Variants in ADAMTS17 observed in about 807,000 individuals in gnomAD.
ADAMTS17 encodes the protein A disintegrin and metalloproteinase with thrombospondin motifs 17.
A neutral mutation model predicts 141.5 loss-of-function variants in ADAMTS17; 113 were observed. The ratio of observed to expected loss-of-function variants is 0.80; its 90% confidence interval spans 0.69 to 0.93. ADAMTS17 has a LOEUF of 0.93. ADAMTS17 is among the 40% of genes least tolerant of loss of function. The pLI is 0.00. For synonymous variants in ADAMTS17, 768 were observed against 630.6 expected (o/e 1.22, Z -3.27); for missense variants, 1,659 against 1,517.9 (o/e 1.09, Z -1.54).
intron 3 of ADAMTS17, among the ~76,000 whole-genome samples, chr15:100,287,428 G>C (rs1204122227): frequency 1.3e-5 from 2 of 152,184 alleles, no homozygotes; most frequent in African/African-American, 2.4e-5. Flanking sequence ...CCTTGAAAGA[G>C]AAGGAGAGAA....
chr15:100,256,310 C>T (rs545089145), intron 6 of ADAMTS17: 56 of 152,376 alleles, frequency 3.7e-4, no homozygotes, highest in African/African-American at 1.3e-3. Context: ...GGTGTCTGAC[C>T]CATGCCCTGG....
chr15:100,179,845 A>G (rs2141521699), intron 8 of ADAMTS17, among the ~76,000 whole-genome samples: 1 of 152,328 alleles, frequency 6.6e-6, no homozygotes, highest in Non-Finnish European at 1.5e-5. Flanking sequence ...ATGTCTATTC[A>G]GATCTTTTGC....
intron 5 of ADAMTS17, 125 bp from the exon 6 acceptor site, chr15:100,261,761 G>A (rs1208438244): frequency 2.8e-6 from 3 of 1,058,802 alleles, no homozygotes; most frequent in East Asian, 5.2e-5. Flanking sequence ...ATGACTCACG[G>A]CCCTCGAAGA....
At chr15:99,982,212 A>G (rs1228141356) in intron 20 of ADAMTS17, among the ~76,000 whole-genome samples, 6 of 152,248 alleles carry the variant, frequency 3.9e-5, no homozygotes, top group African/African-American at 1.4e-4. Context: ...CAGTGAATGC[A>G]CGGCCAAGCG....
chr15:100,083,093 A>C (rs2034863087), intron 15 of ADAMTS17, among the ~76,000 whole-genome samples: 1 of 152,226 alleles, frequency 6.6e-6, no homozygotes, highest in Non-Finnish European at 1.5e-5. Context: ...GTGTGTGACC[A>C]TGTGACTTGA....
intron 10 of ADAMTS17, among the ~76,000 whole-genome samples, chr15:100,141,606 T>A (rs538795662): frequency 1.3e-5 from 2 of 152,128 alleles, no homozygotes; most frequent in Non-Finnish European, 2.9e-5. Flanking sequence ...TCCTGAGTCC[T>A]GGGAGGGCCA....
intron 7 of ADAMTS17, among the ~76,000 whole-genome samples, chr15:100,239,120 G>C (rs1397678144): frequency 6.6e-6 from 1 of 152,156 alleles, no homozygotes; most frequent in African/African-American, 2.4e-5. Flanking sequence ...AGAAAGGAAA[G>C]ACTGTAACCC....
chr15:100,134,839 T>G (rs1000641418), intron 10 of ADAMTS17, among the ~76,000 whole-genome samples: 1 of 152,114 alleles, frequency 6.6e-6, no homozygotes, highest in Non-Finnish European at 1.5e-5. Flanking sequence ...GCACATGCGC[T>G]TCAGAAAAGC....
intron 15 of ADAMTS17, among the ~76,000 whole-genome samples, chr15:100,058,436 G>A (rs181837682): frequency 1.5e-4 from 23 of 148,928 alleles, no homozygotes; most frequent in South Asian, 2.1e-4. Context: ...TGTATTCCTC[G>A]GGCCCTTTTT....
At chr15:100,231,308 T>C (rs905690937) in intron 7 of ADAMTS17, among the ~76,000 whole-genome samples, 1 of 152,230 alleles carries the variant, frequency 6.6e-6, no homozygotes, top group African/African-American at 2.4e-5. Flanking sequence ...GGCTTCAGTG[T>C]TAATTCCTCT....
intron 12 of ADAMTS17, among the ~76,000 whole-genome samples, chr15:100,124,375 G>A (rs1002349020): frequency 2.6e-5 from 4 of 152,232 alleles, no homozygotes; most frequent in Non-Finnish European, 5.9e-5. Flanking sequence ...TAAGGAAACA[G>A]AAGTTCGGCC....
At chr15:99,984,859 T>C (rs989376497) in intron 20 of ADAMTS17, among the ~76,000 whole-genome samples, 1 of 152,254 alleles carries the variant, frequency 6.6e-6, no homozygotes, top group South Asian at 2.1e-4. Flanking sequence ...GGGCATGGGA[T>C]GACCAGGCTT....
chr15:100,076,100 T>C lies in ADAMTS17; in HGVS notation c.2137+20256A>G, dbSNP rs146021097. ...CTCTGTTGCCTAGGCTGGAGCACAGTGCCGTGATCTCAGCTCAATGCAACC... is the reference window on the plus strand; with the variant it reads ...CTCTGTTGCCTAGGCTGGAGCACAGCGCCGTGATCTCAGCTCAATGCAACC... On this transcript the variant is annotated intron_variant, in intron 15 of 21. Transcript: ENST00000268070. 2.0e-3 allele frequency among the ~76,000 whole-genome samples: 299 copies of C among 152,288 alleles called. 8 individuals carry two copies. The highest frequency in any genetic ancestry group is 7.4e-5 in the Non-Finnish European group (5 of 68,022).
chr15:100,181,609 T>C (rs2040526680), intron 8 of ADAMTS17, among the ~76,000 whole-genome samples: 1 of 152,228 alleles, frequency 6.6e-6, no homozygotes, highest in Non-Finnish European at 1.5e-5. Context: ...AGAATTGTCA[T>C]CTGGGAGATA....
In ADAMTS17 at chr15:100,204,826, G is replaced by A. The variant is rs374191526; in HGVS notation, c.1076-5403C>T. On this transcript the variant is annotated intron_variant, in intron 7 of 21. Coordinates refer to ENST00000268070, the MANE Select transcript of ADAMTS17 (RefSeq NM_139057.4). ...TGAGGCGGAAGGGGCTGGGAGTGAG[G>A]TAAGGAGTCACCTTCATTTCCACTG... 2.1e-4 allele frequency among the ~76,000 whole-genome samples: 32 copies of A among 152,298 alleles called. No homozygotes were observed. The South Asian group carries it at 6.4e-3, about 31-fold the overall frequency.
chr15:100,177,758 T>G (rs758041283), intron 8 of ADAMTS17, among the ~76,000 whole-genome samples: 1 of 152,230 alleles, frequency 6.6e-6, no homozygotes, highest in Admixed American at 6.5e-5. Flanking sequence ...TTTAAAATTG[T>G]GGATTCATCT....
chr15:100,080,645 A>C (rs1168727607), intron 15 of ADAMTS17, among the ~76,000 whole-genome samples: 9 of 152,202 alleles, frequency 5.9e-5, no homozygotes, highest in Admixed American at 5.9e-4. Context: ...AGCTACAACC[A>C]TGTGACCAGC....
intron 12 of ADAMTS17, among the ~76,000 whole-genome samples, chr15:100,123,493 T>G (rs998105225): frequency 3.3e-5 from 5 of 152,176 alleles, no homozygotes; most frequent in Non-Finnish European, 5.9e-5. Flanking sequence ...CCATGAGGCC[T>G]CCAGGGGAAA....
rs578129307 is a variant in ADAMTS17 at position 100,073,078 on chromosome 15, C to A, written c.2138-19024G>T. On this transcript the variant is annotated intron_variant, in intron 15 of 21. Coordinates refer to ENST00000268070, the MANE Select transcript of ADAMTS17 (RefSeq NM_139057.4). ...CTCAAATCTACAAGAAAAAAACAAACAGCCCCATCAAAAAGTGGGCAAAGG... is the reference window on the plus strand; with the variant it reads ...CTCAAATCTACAAGAAAAAAACAAAAAGCCCCATCAAAAAGTGGGCAAAGG... Among the ~76,000 whole-genome samples, 145 of 152,130 alleles carry A rather than the reference C, an allele frequency of 9.5e-4. 1 individual carries two copies. The highest frequency in any genetic ancestry group is 1.2e-3 in the Non-Finnish European group (79 of 67,946).
Sources: gnomAD v4.1 joint callset for allele counts (sites outside exome capture counted in the v4.1 genomes callset) on GRCh38, gnomAD v4.1.1 for gene constraint, MANE v1.5 for transcripts, NCBI Gene and HGNC (gene_info 2026-07-23, HGNC 2026-07-21) for gene names.